SCAI: variants seen among roughly 807,000 people sequenced by gnomAD.
SCAI encodes the protein protein SCAI.
Under a neutral mutation model 92.2 loss-of-function variants are expected in SCAI, and 24 were observed. The ratio of observed to expected loss-of-function variants is 0.26; its 90% CI spans 0.19 to 0.37. The LOEUF is 0.37. SCAI is among the 10% of genes least tolerant of loss of function. The pLI, the probability that SCAI is intolerant of heterozygous loss-of-function variation, is 1.00. For missense variants in SCAI, 450 were observed against 736.2 expected, an observed-to-expected ratio of 0.61 and a Z score of 4.50; for synonymous variants, 261 against 258.6, an observed-to-expected ratio of 1.01 and a Z score of -0.09.
At chr9:125,021,721 C>A (rs895265178) in intron 6 of SCAI, among the ~76,000 whole-genome samples, 1 of 151,984 alleles carries the variant, frequency 6.6e-6, no homozygotes, top group Non-Finnish European at 1.5e-5. Flanking sequence ...TTAAAAAATT[C>A]TTTCGACCCA....
intron 14 of SCAI, among the ~76,000 whole-genome samples, chr9:124,979,698 T>C (rs1831839086): frequency 6.6e-6 from 1 of 152,168 alleles, no homozygotes. Flanking sequence ...TTTCACAATA[T>C]GACTTCTTGA....
intron 2 of SCAI, among the ~76,000 whole-genome samples, chr9:125,136,043 T>C (rs1835518619): frequency 6.6e-6 from 1 of 150,624 alleles, no homozygotes; most frequent in Non-Finnish European, 1.5e-5. Flanking sequence ...ATATGTAATA[T>C]AACTGTCAAC....
Position 125,077,346 on chromosome 9 carries a change from C to T in SCAI, c.99-21339G>A, listed in dbSNP as rs191571840. Among the ~76,000 whole-genome samples the T allele has an allele frequency of 1.3e-3, 192 of 152,256 alleles. 1 individual carries two copies. The highest frequency in any genetic ancestry group is 4.3e-3 in the African/African-American group (180 of 41,542). On this transcript the variant is annotated intron_variant, in intron 2 of 17. Transcript: ENST00000336505. The stretch of plus-strand genomic sequence containing the variant: ...TGTATGGATATGCCAAATTTTGTTT[C>T]TCCTTTCAACAAGTGATGAACAGAC...
intron 3 of SCAI, among the ~76,000 whole-genome samples, chr9:125,039,274 C>A (rs748941562): frequency 5.3e-5 from 8 of 151,780 alleles, no homozygotes; most frequent in Admixed American, 2.0e-4. Flanking sequence ...GCAGTCCCAG[C>A]CACTCGGGAG....
chr9:125,000,073 ATC>A (rs1832324797), intron 12 of SCAI, 83 bp from the exon 13 acceptor site: 5 of 590,040 alleles, frequency 8.5e-6, no homozygotes, highest in Non-Finnish European at 1.2e-5. Context: ...TACTGTGTGA[ATC>A]TCTCATTGAT....
intron 2 of SCAI, among the ~76,000 whole-genome samples, chr9:125,085,043 T>A (rs1368142222): frequency 6.6e-6 from 1 of 152,226 alleles, no homozygotes; most frequent in Non-Finnish European, 1.5e-5. Flanking sequence ...TCTTACTGAC[T>A]ACTGTGACAA....
intron 2 of SCAI, among the ~76,000 whole-genome samples, chr9:125,068,429 G>C (rs577104184): frequency 3.7e-4 from 57 of 152,272 alleles, no homozygotes; most frequent in African/African-American, 1.3e-3. Context: ...GAGCCCAGGA[G>C]TTTGAGGTTA....
chr9:125,118,049 G>A (rs1835084055), intron 2 of SCAI, among the ~76,000 whole-genome samples: 1 of 151,940 alleles, frequency 6.6e-6, no homozygotes, highest in African/African-American at 2.4e-5. Context: ...TCCTCTCTTG[G>A]ACTCCTCCTT....
rs545651994 is a variant in SCAI at position 125,130,936 on chromosome 9, C to CTTTTTTTTTTT, written c.98+11686_98+11696dup. On this transcript the variant is annotated intron_variant, in intron 2 of 17. Transcript: ENST00000336505. The stretch of plus-strand genomic sequence containing the variant: ...CTTATCTGGATCTTGGTTTGAACCG[C>CTTTTTTTTTTT]TTTTTTTTTTTTTTTTTTTTTTTTT... 1.6e-4 allele frequency among the ~76,000 whole-genome samples: 12 copies of CTTTTTTTTTTT among 77,292 alleles called. 2 individuals are homozygous for CTTTTTTTTTTT. Among genetic ancestry groups the CTTTTTTTTTTT allele is most frequent in the Non-Finnish European group, 2.1e-4 (8 of 38,254 alleles). 50.7% of individuals were successfully genotyped at this position (77,292 alleles called of 152,430 possible).
chr9:124,970,815 ATTTTT>A (rs923075797), intron 17 of SCAI, among the ~76,000 whole-genome samples: 1 of 151,910 alleles, frequency 6.6e-6, no homozygotes, highest in African/African-American at 2.4e-5. Context: ...TTCTACTTTT[ATTTTT>A]TTTAATTTTT....
At chr9:124,982,460 T>C (rs889660718) in intron 14 of SCAI, among the ~76,000 whole-genome samples, 1 of 151,896 alleles carries the variant, frequency 6.6e-6, no homozygotes, top group African/African-American at 2.4e-5. Flanking sequence ...TCATCTGAGG[T>C]CAGGAGTTCG....
intron 11 of SCAI, among the ~76,000 whole-genome samples, chr9:125,002,486 C>CTTTTTTTTTTTTTTTT (rs1564373440): frequency 1.6e-5 from 1 of 62,800 alleles, no homozygotes; most frequent in Admixed American, 1.7e-4. Flanking sequence ...GTTTTTTAGT[C>CTTTTTTTTTTTTTTTT]TGTTTTTTTT....
In SCAI at chr9:125,091,507, G is replaced by A. The variant is rs977413822; in HGVS notation, c.99-35500C>T. ...AATTCTAAATACCATTCACATCACCGACCTCCTAAAAACAGCTTTCAAAGT... is the reference window on the plus strand; with the variant it reads ...AATTCTAAATACCATTCACATCACCAACCTCCTAAAAACAGCTTTCAAAGT... On this transcript the variant is annotated intron_variant, in intron 2 of 17. Coordinates refer to ENST00000336505, the MANE Select transcript of SCAI (RefSeq NM_001144877.3). The surrounding 1 kb of genome is among the most constrained non-coding windows in gnomAD (Gnocchi z 4.3). Among the ~76,000 whole-genome samples the A allele has an allele frequency of 1.9e-4, 29 of 152,004 alleles. No individual in the cohort carries two copies. Among genetic ancestry groups the A allele is most frequent in the Middle Eastern group, 3.4e-3 (1 of 294 alleles).
chr9:124,983,836 T>G (rs187445350), intron 14 of SCAI, among the ~76,000 whole-genome samples: 5 of 152,390 alleles, frequency 3.3e-5, no homozygotes, highest in African/African-American at 9.6e-5. Flanking sequence ...GGCTACCTAC[T>G]ATCTGTGTGA....
intron 2 of SCAI, among the ~76,000 whole-genome samples, chr9:125,126,120 T>C (rs1254262856): frequency 6.6e-6 from 1 of 152,188 alleles, no homozygotes; most frequent in Non-Finnish European, 1.5e-5. Context: ...AGTCAAGCTG[T>C]TGGCTTGGAC....
At chr9:125,034,723 G>A (rs567251110) in intron 3 of SCAI, among the ~76,000 whole-genome samples, 1 of 152,214 alleles carries the variant, frequency 6.6e-6, no homozygotes, top group South Asian at 2.1e-4. Flanking sequence ...ACTCTAGCAT[G>A]GGCAACATAG....
Position 125,092,131 on chromosome 9 carries a change from TAAAAAAAA to T in SCAI, c.99-36132_99-36125del, listed in dbSNP as rs71374225. On this transcript the variant is annotated intron_variant, in intron 2 of 17. Transcript: ENST00000336505. ...GGCGACAGAGCAAGACTCCGTCTCTTAAAAAAAAAAAAAAAAAAAAAAAAAAAAAAAAA... is the reference window on the plus strand; with the variant it reads ...GGCGACAGAGCAAGACTCCGTCTCTTAAAAAAAAAAAAAAAAAAAAAAAAA... Among the ~76,000 whole-genome samples, 226 of 61,086 alleles carry T rather than the reference TAAAAAAAA, an allele frequency of 3.7e-3. 2 individuals carry two copies. The highest frequency in any genetic ancestry group is 0.014 in the Middle Eastern group (1 of 74). The allele number at this position is 61,086 out of a possible 152,430, so 40.1% of individuals were successfully genotyped here.
intron 6 of SCAI, among the ~76,000 whole-genome samples, chr9:125,024,877 G>T (rs1196862924): frequency 2.6e-5 from 4 of 152,200 alleles, no homozygotes; most frequent in African/African-American, 9.7e-5. Context: ...CATGGAATGA[G>T]ATGTTCTGGG....
chr9:124,959,908 G>A (rs982696540), intron 17 of SCAI, among the ~76,000 whole-genome samples: 1 of 152,054 alleles, frequency 6.6e-6, no homozygotes, highest in Admixed American at 6.6e-5. Flanking sequence ...GTGTATATGT[G>A]CCACATTTGC....
Sources: gnomAD v4.1 joint callset for allele counts (sites outside exome capture counted in the v4.1 genomes callset) on GRCh38, gnomAD v4.1.1 for gene constraint, Gnocchi (gnomAD v3.1) non-coding constraint, MANE v1.5 for transcripts, NCBI Gene and HGNC (gene_info 2026-07-23, HGNC 2026-07-21) for gene names.